CENPC: variants seen among roughly 807,000 people sequenced by gnomAD.
CENPC encodes the protein centromere protein C, also known as CENP-C 1.
CENPC carries 63 observed loss-of-function variants against 112.1 expected under a neutral mutation model. The observed-to-expected ratio is 0.56, with a 90% CI of 0.46 to 0.69. The LOEUF (loss-of-function observed/expected upper bound fraction) is 0.69, where lower values mean the gene tolerates loss of function less well. CENPC is among the 30% of genes least tolerant of loss of function. The probability of loss-of-function intolerance (pLI) is 0.00; values close to 1 mark genes in which losing one functional copy is unlikely to be tolerated. For synonymous variants in CENPC, 333 were observed against 367.6 expected, an observed-to-expected ratio of 0.91 and a Z score of 1.08; for missense variants, 1,000 against 1,103.8, an observed-to-expected ratio of 0.91 and a Z score of 1.33.
At chr4:67,544,414 C>G (rs1400529993) in intron 1 of CENPC, among the ~76,000 whole-genome samples, 1 of 152,152 alleles carries the variant, frequency 6.6e-6, no homozygotes, top group East Asian at 1.9e-4. Context: ...CTTCTCTCCC[C>G]ACAGTGAGAA....
At position 67,514,556 on chromosome 4, in the gene CENPC, G is replaced by T; in HGVS notation, c.962C>A (p.Pro321Gln). Residue 321 changes from proline (P) to glutamine (Q), a missense_variant, in exon 8 of 19, where the codon CCA becomes CAA. Pro to Gln is a moderately conservative substitution (Grantham distance 76). Transcript: ENST00000273853. ...TTGTTTCAGAGACCCTGCCTTTCTT[G>T]GTATTGTAATCCAAGATCTACTGGC... ...SFASRSWITI[P>Q]RKAGSLKQRT... 6.2e-7 allele frequency: 1 copy of T among 1,611,472 alleles called. No individual in the cohort carries two copies. The highest frequency in any genetic ancestry group is 1.3e-5 in the African/African-American group (1 of 74,954).
rs1727007494 is a variant in CENPC at position 67,545,443 on chromosome 4, C to T, written c.-88G>A. On this transcript the variant is annotated 5_prime_UTR_variant, in exon 1 of 19. Coordinates refer to ENST00000273853, the MANE Select transcript of CENPC (RefSeq NM_001812.4). ...AGGAAGCCGAGCAAGAAACGAATCG[C>T]CGGAATACCAGGCCGCGGCCAAGCA... is the stretch of plus-strand genomic sequence containing the variant. The T allele has an allele frequency of 1.0e-5, 14 of 1,358,424 alleles. No homozygotes were observed. Among genetic ancestry groups the T allele is most frequent in the Non-Finnish European group, 1.3e-5 (13 of 1,025,978 alleles). The allele number at this position is 1,358,424 out of a possible 1,614,324, so 84.1% of individuals were successfully genotyped here.
At position 67,511,120 on chromosome 4, in the gene CENPC, C is replaced by T; in HGVS notation, c.1612+1282G>A. ...ACCTACTATGCTAATTGCATTTAAA[C>T]CTTATAAAAACTCAATGAGGTAATC... On this transcript the variant is annotated intron_variant, in intron 9 of 18. Transcript: ENST00000273853. 8.9e-6 allele frequency: 4 copies of T among 451,704 alleles called. 1 individual carries two copies. The highest frequency in any genetic ancestry group is 6.3e-5 in the South Asian group (4 of 63,642). The allele number at this position is 451,704 out of a possible 1,614,324, so 28.0% of individuals were successfully genotyped here.
chr4:67,485,391 A>T lies in CENPC; in HGVS notation c.2670+4576T>A, dbSNP rs191753359. Reference sequence around the variant, plus strand: ...TTTTTGAGCAACTAAAATAAACAGCATAAGGCCTTCAAACTTTGAGATTCA... The same window carrying T: ...TTTTTGAGCAACTAAAATAAACAGCTTAAGGCCTTCAAACTTTGAGATTCA... On this transcript the variant is annotated intron_variant, in intron 17 of 18. Coordinates refer to ENST00000273853, the MANE Select transcript of CENPC (RefSeq NM_001812.4). 2.2e-3 allele frequency among the ~76,000 whole-genome samples: 339 copies of T among 152,344 alleles called. 1 individual carries two copies. Among genetic ancestry groups the T allele is most frequent in the Non-Finnish European group, 3.6e-3 (248 of 68,034 alleles).
rs190042177 is a variant in CENPC, at chr4:67,511,135, A to G, written c.1612+1267T>C. 12 of 447,748 alleles carry G rather than the reference A, an allele frequency of 2.7e-5. 1 individual carries two copies. The highest frequency in any genetic ancestry group is 6.6e-4 in the Middle Eastern group (2 of 3,020). The allele number at this position is 447,748 out of a possible 1,614,324, so 27.7% of individuals were successfully genotyped here. A position where few individuals can be genotyped will look rare whatever the true frequency, so the allele number is the denominator to read the frequency against. The stretch of plus-strand genomic sequence containing the variant: ...TGCATTTAAACCTTATAAAAACTCA[A>G]TGAGGTAATCATGTTACAGAATGAG... On this transcript the variant is annotated intron_variant, in intron 9 of 18. Transcript: ENST00000273853.
intron 5 of CENPC, among the ~76,000 whole-genome samples, chr4:67,523,536 A>C (rs919608223): frequency 6.6e-6 from 1 of 152,188 alleles, no homozygotes; most frequent in African/African-American, 2.4e-5. Flanking sequence ...CAAGAGGAGG[A>C]GGCTAGAATA....
chr4:67,513,946 C>G, intron 8 of CENPC, 128 bp downstream of exon 8: 1 of 790,106 alleles, frequency 1.3e-6, no homozygotes, highest in Non-Finnish European at 1.9e-6. Context: ...AGAAAAGAAC[C>G]TATAGGCTTT....
In CENPC at chr4:67,494,094, T is replaced by C. The variant is rs1577979690; in HGVS notation, c.2186-106A>G. On this transcript the variant is annotated intron_variant, in intron 13 of 18. Transcript: ENST00000273853. ...CATGAAAGCTTTATTTTTTAGAACA[T>C]GAATATTTTTCTAGACAAAAGACTA... 19 of 541,218 alleles carry C rather than the reference T, an allele frequency of 3.5e-5. No individual in the cohort carries two copies. In the East Asian group the frequency reaches 5.5e-4, roughly 16 times the overall value. The allele number at this position is 541,218 out of a possible 1,614,324, so 33.5% of individuals were successfully genotyped here. A position where few individuals can be genotyped will look rare whatever the true frequency, so the allele number is the denominator to read the frequency against.
chr4:67,539,759 A>C (rs1024565931), intron 4 of CENPC, 81 bp downstream of exon 4: 10 of 685,190 alleles, frequency 1.5e-5, no homozygotes, highest in Non-Finnish European at 2.4e-5. Flanking sequence ...CTTACAAACA[A>C]CTAAAATATA....
At chr4:67,534,173 T>A (rs1260459498) in intron 4 of CENPC, among the ~76,000 whole-genome samples, 1 of 152,174 alleles carries the variant, frequency 6.6e-6, no homozygotes, top group African/African-American at 2.4e-5. Flanking sequence ...CCCCATACTT[T>A]GGGAGGCTGA....
chr4:67,517,736 G>A (rs961299714), intron 7 of CENPC, among the ~76,000 whole-genome samples: 19 of 152,104 alleles, frequency 1.2e-4, no homozygotes, highest in African/African-American at 4.6e-4. Flanking sequence ...TACTCGGGAG[G>A]CTGAGCAGGA....
chr4:67,517,786 G>A (rs970162040), intron 7 of CENPC, among the ~76,000 whole-genome samples: 75 of 152,146 alleles, frequency 4.9e-4, no homozygotes, highest in African/African-American at 1.7e-3. Flanking sequence ...GCAATGAGCC[G>A]AGATTGCGTC....
chr4:67,494,042 T>A (rs954140297), intron 13 of CENPC, 54 bp from the exon 14 acceptor site: 63 of 1,057,294 alleles, frequency 6.0e-5, no homozygotes, highest in Non-Finnish European at 8.5e-5. Context: ...TGATGGTACT[T>A]AGCAGTGGAA....
intron 2 of CENPC, among the ~76,000 whole-genome samples, chr4:67,542,354 C>T (rs1349273274): frequency 6.6e-6 from 1 of 152,126 alleles, no homozygotes; most frequent in Admixed American, 6.5e-5. Flanking sequence ...TTTACTGATC[C>T]CTGATCTACA....
intron 4 of CENPC, among the ~76,000 whole-genome samples, chr4:67,537,951 T>G (rs1405654373): frequency 1.3e-5 from 2 of 152,114 alleles, no homozygotes; most frequent in African/African-American, 4.8e-5. Context: ...GTCATGGCAC[T>G]CCATCCTGGG....
chr4:67,536,359 A>G (rs1726718729), intron 4 of CENPC, among the ~76,000 whole-genome samples: 1 of 152,230 alleles, frequency 6.6e-6, no homozygotes, highest in South Asian at 2.1e-4. Flanking sequence ...TTTACAAATG[A>G]TCCAAATTTG....
chr4:67,511,459 T>C (rs1487404798), intron 9 of CENPC, among the ~76,000 whole-genome samples: 1 of 152,086 alleles, frequency 6.6e-6, no homozygotes, highest in Non-Finnish European at 1.5e-5. Context: ...CCCAAAACAA[T>C]AAATGTTTCA....
rs145363683 is a variant in CENPC, at chr4:67,545,493, C to T, written c.-138G>A. The T allele has an allele frequency of 3.6e-4, 291 of 818,848 alleles. No individual in the cohort carries two copies. The African/African-American group carries it at 4.8e-3, about 13-fold the overall frequency. The allele number at this position is 818,848 out of a possible 1,614,324, so 50.7% of individuals were successfully genotyped here. A position where few individuals can be genotyped will look rare whatever the true frequency, so the allele number is the denominator to read the frequency against. ...AATAACCTTAAGTCTCAGGCGACTGCCGCGAGAGCTGCGATCCGGAAGGCG... is the reference window on the plus strand; with the variant it reads ...AATAACCTTAAGTCTCAGGCGACTGTCGCGAGAGCTGCGATCCGGAAGGCG... On this transcript the variant is annotated 5_prime_UTR_variant, in exon 1 of 19. Coordinates refer to ENST00000273853, the MANE Select transcript of CENPC (RefSeq NM_001812.4).
intron 17 of CENPC, among the ~76,000 whole-genome samples, chr4:67,489,636 T>C (rs1725185421): frequency 6.6e-6 from 1 of 152,088 alleles, no homozygotes; most frequent in Non-Finnish European, 1.5e-5. Flanking sequence ...TGCATTATCA[T>C]AGAAATGTGG....
Sources: allele counts gnomAD v4.1 joint callset (sites outside exome capture counted in the v4.1 genomes callset), GRCh38; gene constraint gnomAD v4.1.1; transcripts MANE v1.5; gene names NCBI Gene and HGNC (gene_info 2026-07-23, HGNC 2026-07-21).